Variants in BCAR3 observed in about 807,000 individuals in gnomAD.
BCAR3 encodes BCAR3 adaptor protein, NSP family member, also known as breast cancer anti-estrogen resistance protein 3.
Under a neutral mutation model 80.1 loss-of-function variants are expected in BCAR3, and 37 were observed. The observed-to-expected ratio is 0.46, with a 90% CI of 0.36 to 0.61. The LOEUF (loss-of-function observed/expected upper bound fraction) is 0.61. BCAR3 is among the 20% of genes least tolerant of loss of function. The pLI is 0.00. For missense variants in BCAR3, 978 were observed against 1,068.2 expected (o/e 0.92, Z 1.18); for synonymous variants, 389 against 418.9 (o/e 0.93, Z 0.87).
At chr1:93,617,356 G>A (rs1474422536) in intron 3 of BCAR3, among the ~76,000 whole-genome samples, 1 of 152,162 alleles carries the variant, frequency 6.6e-6, no homozygotes. Context: ...AGCACATCTG[G>A]AACGTAATAC....
intron 2 of BCAR3, among the ~76,000 whole-genome samples, chr1:93,826,392 C>T (rs1468616047): frequency 6.6e-6 from 1 of 152,208 alleles, no homozygotes; most frequent in East Asian, 1.9e-4. Context: ...TGCCACCCAT[C>T]CCTTCCCCAT....
In BCAR3 at chr1:93,592,957, A is replaced by G. The variant is rs937446793; in HGVS notation, c.358-564T>C. Among the ~76,000 whole-genome samples, 2 of 152,244 alleles carry G rather than the reference A, an allele frequency of 1.3e-5. No individual in the cohort carries two copies. Among genetic ancestry groups the G allele is most frequent in the Non-Finnish European group, 2.9e-5 (2 of 68,036 alleles). ...AGCAATTTTATGTCTCTTGAATCTA[A>G]TAACAGAAGTCTGTCTTTATTTCAC... On this transcript the variant is annotated intron_variant, in intron 3 of 11. Transcript: ENST00000260502. This position sits in a 1 kb window ranked among gnomAD's most constrained non-coding sequence, Gnocchi z 4.8.
chr1:93,562,186 A>G lies in BCAR3; in HGVS notation c.*55T>C. 6.5e-7 allele frequency: 1 copy of G among 1,535,244 alleles called. No individual in the cohort carries two copies. Among genetic ancestry groups the G allele is most frequent in the South Asian group, 1.2e-5 (1 of 81,708 alleles). ...TTTATCAAAAACAGTAAGCTTTCCC[A>G]AAGATGAAGCTGGGGAAACTTGAAA... On this transcript the variant is annotated 3_prime_UTR_variant, in exon 12 of 12. Coordinates refer to ENST00000260502, the MANE Select transcript of BCAR3 (RefSeq NM_003567.4).
At chr1:93,698,895 A>G (rs1649529062) in intron 3 of BCAR3, among the ~76,000 whole-genome samples, 1 of 152,216 alleles carries the variant, frequency 6.6e-6, no homozygotes, top group African/African-American at 2.4e-5. Context: ...GCTTCTAGGA[A>G]GATTATAGCC....
In BCAR3 at chr1:93,845,542, C is replaced by A. The variant is rs572332689; in HGVS notation, c.-63+25G>T. 6.3e-4 allele frequency: 83 copies of A among 132,670 alleles called. 1 individual carries two copies. The highest frequency in any genetic ancestry group is 2.2e-3 in the African/African-American group (77 of 35,048). 8.2% of individuals were successfully genotyped at this position (132,670 alleles called of 1,614,324 possible). A position where few individuals can be genotyped will look rare whatever the true frequency, so the allele number is the denominator to read the frequency against. On this transcript the variant is annotated intron_variant, in intron 2 of 13. Transcript: ENST00000370244. Reference sequence around the variant, plus strand: ...TTAGAGTATAATTAAATAGGCCTGGCACCAATCAGGGCTCTGCCACTTACT... The same window carrying A: ...TTAGAGTATAATTAAATAGGCCTGGAACCAATCAGGGCTCTGCCACTTACT...
chr1:93,591,735 T>A (rs1308932655), intron 4 of BCAR3, among the ~76,000 whole-genome samples: 1 of 152,192 alleles, frequency 6.6e-6, no homozygotes, highest in African/African-American at 2.4e-5. Flanking sequence ...GTCATGGGTT[T>A]AATTCCCCTT....
At chr1:93,771,037 A>G (rs1340740425) in intron 2 of BCAR3, among the ~76,000 whole-genome samples, 3 of 152,198 alleles carry the variant, frequency 2.0e-5, no homozygotes, top group South Asian at 4.1e-4. Context: ...TTTATTTCCA[A>G]TCCAGTCCTT....
chr1:93,670,836 ATAAT>A (rs1207430896), intron 2 of BCAR3, among the ~76,000 whole-genome samples: 1 of 152,162 alleles, frequency 6.6e-6, no homozygotes, highest in Non-Finnish European at 1.5e-5. Context: ...AATTATTGGG[ATAAT>A]TAATAATGGA....
intron 7 of BCAR3, 58 bp from the exon 8 acceptor site, chr1:93,576,187 A>T (rs1673449400): frequency 1.5e-6 from 2 of 1,298,616 alleles, no homozygotes; most frequent in South Asian, 2.4e-5. Context: ...CCTGATCATG[A>T]ATTCAGCATA....
intron 3 of BCAR3, among the ~76,000 whole-genome samples, chr1:93,694,425 T>C (rs1226705125): frequency 6.6e-6 from 1 of 152,174 alleles, no homozygotes. Context: ...CATCACATCA[T>C]TCTTTCTCAG....
rs779348233 is a variant in BCAR3 at position 93,571,823 on chromosome 1, G to C, written c.1821C>G (p.Ile607Met). 6.2e-7 allele frequency: 1 copy of C among 1,613,790 alleles called. No individual in the cohort carries two copies. Among genetic ancestry groups the C allele is most frequent in the Admixed American group, 1.7e-5 (1 of 60,020 alleles). ...ATCCCAGAATGTCCACTGCAATGCC[G>C]ATGGCCATTGTGTTGTGTCTGAAAG... ...DIIERHNTMA[I>M]GIAVDILGCT... The change falls in exon 9 of 12, where the codon ATC becomes ATG. Residue 607 changes from isoleucine to methionine, a missense_variant. Coordinates refer to ENST00000260502, the MANE Select transcript of BCAR3 (RefSeq NM_003567.4).
intron 2 of BCAR3, among the ~76,000 whole-genome samples, chr1:93,731,646 G>GTAAAATAA (rs1650792898): frequency 6.8e-6 from 1 of 147,250 alleles, no homozygotes; most frequent in African/African-American, 2.5e-5. Flanking sequence ...AGATGTTAAA[G>GTAAAATAA]TAAAATAAAA....
In BCAR3 at chr1:93,728,898, A is replaced by G. The variant is rs1213026116; in HGVS notation, c.-62-22756T>C. Among the ~76,000 whole-genome samples the G allele has an allele frequency of 2.7e-5, 4 of 149,438 alleles. No homozygotes were observed. The South Asian group carries it at 6.4e-4, about 24-fold the overall frequency. ...TTGGGAAATGCAACATTTGGGCAGG[A>G]AAAAAAAAATGCCTGTCCTCACTTA... On this transcript the variant is annotated intron_variant, in intron 2 of 13. Coordinates refer to the BCAR3 transcript ENST00000370244.
chr1:93,595,663 A>T (rs1674390321), intron 3 of BCAR3, among the ~76,000 whole-genome samples: 3 of 152,220 alleles, frequency 2.0e-5, no homozygotes, highest in South Asian at 4.1e-4. Context: ...TGATCTCCCC[A>T]ACTGTGATTT....
At chr1:93,618,814 G>A (rs753874116) in intron 3 of BCAR3, among the ~76,000 whole-genome samples, 1 of 152,036 alleles carries the variant, frequency 6.6e-6, no homozygotes, top group East Asian at 1.9e-4. Flanking sequence ...CCTCCTTCTA[G>A]AGCAAAAGAC....
chr1:93,604,772 C>T (rs1309729658), intron 3 of BCAR3, among the ~76,000 whole-genome samples: 2 of 152,186 alleles, frequency 1.3e-5, no homozygotes, highest in East Asian at 3.8e-4. Context: ...GTTCTGAAAA[C>T]TTCGGGTAGA....
intron 2 of BCAR3, among the ~76,000 whole-genome samples, chr1:93,821,198 A>G (rs934836728): frequency 3.3e-5 from 5 of 152,122 alleles, no homozygotes; most frequent in African/African-American, 1.2e-4. Context: ...TGGGGAGGGT[A>G]AATCGGCTGT....
intron 2 of BCAR3, among the ~76,000 whole-genome samples, chr1:93,714,704 CTTTTT>C (rs374499120): frequency 6.9e-6 from 1 of 145,014 alleles, no homozygotes; most frequent in East Asian, 2.0e-4. Context: ...GACCGCCTTT[CTTTTT>C]TTTTTTTCAG....
At chr1:93,777,689 T>G (rs948546193) in intron 2 of BCAR3, among the ~76,000 whole-genome samples, 1 of 152,008 alleles carries the variant, frequency 6.6e-6, no homozygotes. Flanking sequence ...CCTCTCAGAG[T>G]GCTGGGATTA....
Sources: allele counts gnomAD v4.1 joint callset (sites outside exome capture counted in the v4.1 genomes callset), GRCh38; gene constraint gnomAD v4.1.1; non-coding constraint Gnocchi (gnomAD v3.1); transcripts MANE v1.5; gene names NCBI Gene and HGNC (gene_info 2026-07-23, HGNC 2026-07-21).